Variants in RGS9 observed in about 807,000 individuals in gnomAD.
RGS9 encodes the protein regulator of G-protein signalling 9.
In RGS9, 78 loss-of-function variants were observed where a neutral mutation model predicts 102.0. That is an observed-to-expected ratio of 0.76 (90% CI 0.64 to 0.92). The LOEUF is 0.92. RGS9 is among the 40% of genes least tolerant of loss of function. The probability of loss-of-function intolerance (pLI) is 0.00; values close to 1 mark genes in which losing one functional copy is unlikely to be tolerated. For synonymous variants in RGS9, 353 were observed against 318.6 expected, an observed-to-expected ratio of 1.11 and a Z score of -1.15; for missense variants, 833 against 866.1, an observed-to-expected ratio of 0.96 and a Z score of 0.48.
chr17:65,152,505 G>A (rs1041000408), intron 1 of RGS9, among the ~76,000 whole-genome samples: 2 of 152,158 alleles, frequency 1.3e-5, no homozygotes, highest in Non-Finnish European at 2.9e-5. Context: ...AAGAGTGGGA[G>A]TGTTAAGGGT....
intron 1 of RGS9, among the ~76,000 whole-genome samples, chr17:65,143,950 A>AC: frequency 6.6e-6 from 1 of 151,148 alleles, no homozygotes; most frequent in African/African-American, 2.4e-5. Context: ...AAAAAAAAAA[A>AC]GGAAACAAAA....
intron 15 of RGS9, among the ~76,000 whole-genome samples, chr17:65,205,614 T>C (rs1296451285): frequency 1.3e-5 from 2 of 151,890 alleles, no homozygotes; most frequent in Non-Finnish European, 2.9e-5. Flanking sequence ...TTATATGATA[T>C]AGGTTATAAT....
chr17:65,179,367 A>G (rs1214672472), intron 9 of RGS9, among the ~76,000 whole-genome samples: 1 of 152,186 alleles, frequency 6.6e-6, no homozygotes, highest in Non-Finnish European at 1.5e-5. Flanking sequence ...AGCTGTTCCC[A>G]GGGCAGCCTT....
chr17:65,145,566 A>ATTTTTTTTTTT (rs1567858058), intron 1 of RGS9, among the ~76,000 whole-genome samples: 1 of 118,302 alleles, frequency 8.5e-6, no homozygotes. Flanking sequence ...TTTTTTTTTA[A>ATTTTTTTTTTT]TATATTTTTA....
At chr17:65,150,489 G>A (rs996345284) in intron 1 of RGS9, among the ~76,000 whole-genome samples, 1 of 152,216 alleles carries the variant, frequency 6.6e-6, no homozygotes, top group South Asian at 2.1e-4. Flanking sequence ...GGGCGTGGTG[G>A]CGGGCACCTG....
At chr17:65,207,863 T>C in intron 15 of RGS9, 59 bp from the exon 16 acceptor site, 1 of 1,226,730 alleles carries the variant, frequency 8.2e-7, no homozygotes, top group Non-Finnish European at 1.2e-6. Flanking sequence ...GCAAGGGTAT[T>C]GGTTTGATTT....
At chr17:65,210,202 A>C (rs971357579) in intron 16 of RGS9, among the ~76,000 whole-genome samples, 1 of 152,226 alleles carries the variant, frequency 6.6e-6, no homozygotes, top group Admixed American at 6.5e-5. Flanking sequence ...TTAAGATAAC[A>C]AATTGATTTC....
intron 8 of RGS9, among the ~76,000 whole-genome samples, chr17:65,169,601 A>G (rs1382238222): frequency 6.6e-6 from 1 of 152,174 alleles, no homozygotes; most frequent in Non-Finnish European, 1.5e-5. Context: ...CGGCTTCTAT[A>G]TTATGTGCAG....
chr17:65,168,219 A>G lies in RGS9; in HGVS notation c.520A>G (p.Lys174Glu). The G allele has an allele frequency of 6.2e-7, 1 of 1,611,166 alleles. No individual in the cohort carries two copies. Among genetic ancestry groups the G allele is most frequent in the Non-Finnish European group, 8.5e-7 (1 of 1,178,774 alleles). The stretch of plus-strand genomic sequence containing the variant: ...TTCCAGGGCTGGAAAGGAGAGGAAC[A>G]AAGCAGACAGATATGCCCTGGACTG... ...EQYRAGKERNKADRYALDCQE... is the reference protein window; with the variant it reads ...EQYRAGKERNEADRYALDCQE... The change falls in exon 8 of 19, where the codon AAA (lysine) becomes GAA (glutamate). Residue 174 changes from lysine (K) to glutamate (E), a missense_variant. By Grantham distance (56) the Lys-to-Glu change is moderately conservative. Coordinates refer to ENST00000262406, the MANE Select transcript of RGS9 (RefSeq NM_003835.4).
chr17:65,222,043 T>C (rs755962356), intron 17 of RGS9, among the ~76,000 whole-genome samples: 2 of 152,250 alleles, frequency 1.3e-5, no homozygotes, highest in Non-Finnish European at 2.9e-5. Context: ...GGGGTTCTCA[T>C]CTGGATGCTT....
chr17:65,168,324 C>A (rs763099783), intron 8 of RGS9, 43 bp downstream of exon 8: 21 of 1,352,976 alleles, frequency 1.6e-5, no homozygotes, highest in Non-Finnish European at 2.1e-6. Context: ...CTTCCTGTGC[C>A]TCCCACCTCC....
intron 8 of RGS9, 149 bp from the exon 9 acceptor site, chr17:65,177,583 G>C (rs1275338834): frequency 1.1e-5 from 9 of 801,146 alleles, no homozygotes; most frequent in African/African-American, 5.0e-5. Flanking sequence ...TCACCTGGAG[G>C]GTTTACACCC....
intron 14 of RGS9, among the ~76,000 whole-genome samples, chr17:65,202,317 G>A (rs1030294740): frequency 6.6e-5 from 10 of 152,158 alleles, no homozygotes; most frequent in South Asian, 4.2e-4. Flanking sequence ...GTTCCTATGG[G>A]AATGTGTCTA....
At chr17:65,203,324 A>T (rs1321789542) in intron 14 of RGS9, among the ~76,000 whole-genome samples, 1 of 152,160 alleles carries the variant, frequency 6.6e-6, no homozygotes, top group Non-Finnish European at 1.5e-5. Flanking sequence ...GGAAGCTTCC[A>T]TGACATCCTT....
intron 8 of RGS9, among the ~76,000 whole-genome samples, chr17:65,172,502 G>A (rs1316473364): frequency 2.0e-5 from 3 of 152,036 alleles, no homozygotes; most frequent in African/African-American, 7.3e-5. Flanking sequence ...GACACATAAT[G>A]TTATATTATA....
At chr17:65,215,468 T>TTC (rs1913459015) in intron 17 of RGS9, among the ~76,000 whole-genome samples, 1 of 148,202 alleles carries the variant, frequency 6.7e-6, no homozygotes, top group African/African-American at 2.6e-5. Flanking sequence ...CTTTCTTTCT[T>TTC]TCTTTCTCTA....
chr17:65,193,949 G>A (rs767333111), intron 12 of RGS9, among the ~76,000 whole-genome samples: 42 of 152,140 alleles, frequency 2.8e-4, no homozygotes, highest in Admixed American at 6.5e-4. Context: ...GGCAGACAAT[G>A]TTTCATTTCA....
At chr17:65,145,194 G>A (rs146582691) in intron 1 of RGS9, among the ~76,000 whole-genome samples, 2,059 of 152,134 alleles carry the variant, frequency 0.014, 48 homozygotes, top group African/African-American at 0.047. Context: ...GGGTTCAAGC[G>A]ATTCTTCTGC....
In RGS9 at chr17:65,185,496, C is replaced by G. The variant is rs1048404257; in HGVS notation, c.655-3790C>G. On this transcript the variant is annotated intron_variant, in intron 9 of 18. Coordinates refer to ENST00000262406, the MANE Select transcript of RGS9 (RefSeq NM_003835.4). ...TGGACCTGCCATGATTTCAATCTAG[C>G]CAAAGCCACACATTCCACAGCCACT... 4 of 152,996 alleles carry G rather than the reference C, an allele frequency of 2.6e-5. No individual in the cohort carries two copies. The Admixed American group carries it at 2.6e-4, about 10-fold the overall frequency. The allele number at this position is 152,996 out of a possible 1,614,324, so 9.5% of individuals were successfully genotyped here.
Sources: allele counts gnomAD v4.1 joint callset (sites outside exome capture counted in the v4.1 genomes callset), GRCh38; gene constraint gnomAD v4.1.1; transcripts MANE v1.5; gene names NCBI Gene and HGNC (gene_info 2026-07-23, HGNC 2026-07-21).